The following HCFC1 variants were observed in gnomAD, a reference collection of about 807,000 sequenced individuals.
HCFC1 encodes host cell factor C1.
HCFC1 carries 7 observed loss-of-function variants against 105.5 expected under a neutral mutation model. The observed-to-expected ratio is 0.07, with a 90% CI of 0.04 to 0.12. HCFC1 has a LOEUF of 0.12. HCFC1 is among the 10% of genes least tolerant of loss of function. The pLI is 1.00. For synonymous variants in HCFC1, 918 were observed against 828.1 expected, an observed-to-expected ratio of 1.11 and a Z score of -1.86; for missense variants, 1,065 against 1,823.6, an observed-to-expected ratio of 0.58 and a Z score of 7.58.
At chrX:153,962,037 C>G (rs111998989) in intron 5 of HCFC1, among the ~76,000 whole-genome samples, 185 bp downstream of exon 5, 11 of 111,657 alleles carry the variant, frequency 9.9e-5, no homozygotes, top group Admixed American at 2.8e-4. Context: ...CCCTCTCCCC[C>G]CTGAATCTGT....
At position 153,953,763 on chromosome X, in the gene HCFC1, TG is replaced by T; in HGVS notation, c.4340del (p.Pro1447HisfsTer18). ...TSNMSSNQDP[P>X]PAASDQGEVE... ...CCTCTCCCTGATCGCTGGCAGCAGG[TG>T]GGGGGTCTGTGGGGGCGACAGGCAG... On this transcript the variant is annotated frameshift_variant, in exon 18 of 26. Transcript: ENST00000310441. LOFTEE classifies it high-confidence loss of function. 1 of 1,203,617 alleles carries T rather than the reference TG, an allele frequency of 8.3e-7. No individual in the cohort carries two copies.
At chrX:153,960,783 C>A (rs1473359602) in intron 6 of HCFC1, among the ~76,000 whole-genome samples, 1 of 112,479 alleles carries the variant, frequency 8.9e-6, no homozygotes, top group African/African-American at 3.2e-5. Context: ...TAAACTTCAA[C>A]CATCGGCGCC....
Position 153,950,897 on chromosome X carries a change from G to A in HCFC1, c.5619C>T (p.Gly1873=), listed in dbSNP as rs376949888. 2.0e-5 allele frequency: 24 copies of A among 1,209,312 alleles called. No individual in the cohort carries two copies. The African/African-American group carries it at 3.8e-4, about 19-fold the overall frequency. ...CTGAGATTTCGCTGAAGGGCCCCCGGCCACAGGCATTGATTCCGGCAACAC... is the reference window on the plus strand; with the variant it reads ...CTGAGATTTCGCTGAAGGGCCCCCGACCACAGGCATTGATTCCGGCAACAC... ...KFRVAGINAC[G]RGPFSEISAF... Residue 1873 remains glycine, a synonymous_variant, in exon 23 of 26, where the codon GGC becomes GGT. Coordinates refer to ENST00000310441, the MANE Select transcript of HCFC1 (RefSeq NM_005334.3).
In HCFC1 at chrX:153,957,872, G is replaced by A. The variant is rs2065393162; in HGVS notation, c.2043C>T (p.Gly681=). The A allele has an allele frequency of 8.3e-7, 1 of 1,205,459 alleles. No homozygotes were observed. The highest frequency in any genetic ancestry group is 1.8e-5 in the South Asian group (1 of 56,697). The change falls in exon 12 of 26, where the codon GGC becomes GGT. Residue 681 remains glycine (G), a synonymous_variant. Transcript: ENST00000310441. The stretch of plus-strand genomic sequence containing the variant: ...TGGTCTGGACCACCGACATCACTTT[G>A]CCCAGATTGGAAATCTAAAAAGGAA... ...PGGSALISNL[G]KVMSVVQTKP...
At position 153,958,066 on chromosome X, in the gene HCFC1, G is replaced by C; in HGVS notation, c.1987C>G (p.Leu663Val). 8.3e-7 allele frequency: 1 copy of C among 1,211,845 alleles called. No homozygotes were observed. Among genetic ancestry groups the C allele is most frequent in the Non-Finnish European group, 1.1e-6 (1 of 895,298 alleles). The change falls in exon 11 of 26, where the codon CTG (leucine) becomes GTG (valine). Residue 663 changes from leucine (L) to valine (V), a missense_variant. Coordinates refer to ENST00000310441, the MANE Select transcript of HCFC1 (RefSeq NM_005334.3). ...VVGGVTKTITLVKSPISVPGG... is the reference protein window; with the variant it reads ...VVGGVTKTITVVKSPISVPGG... Reference sequence around the variant, plus strand: ...GGGACAGAGATGGGGCTCTTCACCAGGGTGATGGTCTTGGTGACCCCGCCC... The same window carrying C: ...GGGACAGAGATGGGGCTCTTCACCACGGTGATGGTCTTGGTGACCCCGCCC...
rs373619230 is a variant in HCFC1, at chrX:153,964,328, C to T, written c.343-44G>A. ...GAGACTGAACCGTGGGATGAGAAGG[C>T]CACCACTAGGGACCCGGGGCAACTT... On this transcript the variant is annotated intron_variant, in intron 2 of 25. Coordinates refer to ENST00000310441, the MANE Select transcript of HCFC1 (RefSeq NM_005334.3). 1,009 of 1,114,304 alleles carry T rather than the reference C, an allele frequency of 9.1e-4. 1 individual carries two copies. Among genetic ancestry groups the T allele is most frequent in the Non-Finnish European group, 1.2e-3 (967 of 836,950 alleles). The allele number at this position is 1,114,304 out of a possible 1,213,427, so 91.8% of individuals were successfully genotyped here.
intron 1 of HCFC1, among the ~76,000 whole-genome samples, chrX:153,968,180 C>T (rs1557118868): frequency 1.8e-5 from 2 of 111,490 alleles, no homozygotes. Flanking sequence ...CACCTGGCAG[C>T]ACTCTGAATC....
chrX:153,964,098 T>A (rs868932296), intron 3 of HCFC1, 26 bp downstream of exon 3: 1 of 1,154,228 alleles, frequency 8.7e-7, no homozygotes. Context: ...ACCCGGGGGG[T>A]TCCAGAGAAA....
chrX:153,949,441 G>C, intron 25 of HCFC1, 55 bp from the exon 26 acceptor site: 1 of 1,139,291 alleles, frequency 8.8e-7, no homozygotes, highest in Non-Finnish European at 1.2e-6. Context: ...CACCACTGGA[G>C]GCCCTGCTGG....
intron 1 of HCFC1, 65 bp from the exon 2 acceptor site, chrX:153,964,791 T>C (rs2065459931): frequency 1.9e-6 from 2 of 1,072,237 alleles, no homozygotes; most frequent in Non-Finnish European, 1.2e-6. Context: ...ATTCCCCAAA[T>C]GTGCCAGCCG....
Position 153,971,050 on chromosome X carries a change from G to A in HCFC1, c.-210C>T, listed in dbSNP as rs2065528080. ...TCTCGCTCACCCCGTCTCCGCAAGA[G>A]CCGCCCGAAACTGTCGAGCGCCTAG... On this transcript the variant is annotated 5_prime_UTR_variant, in exon 1 of 26. Transcript: ENST00000310441. The A allele has an allele frequency of 7.8e-6, 3 of 383,597 alleles. No homozygotes were observed. Among genetic ancestry groups the A allele is most frequent in the Non-Finnish European group, 1.3e-5 (3 of 226,265 alleles). The allele number at this position is 383,597 out of a possible 1,213,427, so 31.6% of individuals were successfully genotyped here.
chrX:153,952,476 G>A (rs1557112868), intron 19 of HCFC1, 38 bp downstream of exon 19: 4 of 1,114,986 alleles, frequency 3.6e-6, no homozygotes, highest in Middle Eastern at 3.3e-4. Context: ...TTGCTCCCCC[G>A]AGCGGCCCGG....
intron 2 of HCFC1, 79 bp downstream of exon 2, chrX:153,964,499 G>A (rs1204266820): frequency 7.6e-6 from 8 of 1,056,460 alleles, no homozygotes; most frequent in Non-Finnish European, 8.9e-6. Flanking sequence ...TCCACCTCCC[G>A]CTTGCCTCAA....
chrX:153,961,390 CAG>C (rs2065428285), intron 6 of HCFC1, 150 bp downstream of exon 6: 2 of 434,617 alleles, frequency 4.6e-6, no homozygotes, highest in African/African-American at 2.5e-5. Context: ...AACATTGCTT[CAG>C]AGAGCTCTGC....
intron 3 of HCFC1, 41 bp from the exon 4 acceptor site, chrX:153,963,474 A>C: frequency 9.9e-7 from 1 of 1,009,200 alleles, no homozygotes; most frequent in Non-Finnish European, 1.4e-6. Flanking sequence ...TCGACTCCTC[A>C]CGCCAGAGGC....
chrX:153,951,716 AAAG>A lies in HCFC1; in HGVS notation c.5261-12_5261-10del. ...GTTGGATGGAGCCAGGCCTAGGAAGAAAGAAGGTGTCAGCGGGAAAGACTCGGG... is the reference window on the plus strand; with the variant it reads ...GTTGGATGGAGCCAGGCCTAGGAAGAAAGGTGTCAGCGGGAAAGACTCGGG... On this transcript the variant is annotated splice_polypyrimidine_tract_variant and intron_variant, in intron 20 of 25. Transcript: ENST00000310441. 9 of 1,200,323 alleles carry A rather than the reference AAAG, an allele frequency of 7.5e-6. No individual in the cohort carries two copies. Among genetic ancestry groups the A allele is most frequent in the Non-Finnish European group, 9.0e-6 (8 of 888,945 alleles).
In HCFC1 at chrX:153,970,934, T is replaced by G; in HGVS notation, c.-94A>C. 9.1e-6 allele frequency: 7 copies of G among 771,642 alleles called. No individual in the cohort carries two copies. Among genetic ancestry groups the G allele is most frequent in the Non-Finnish European group, 1.1e-5 (6 of 550,152 alleles). The allele number at this position is 771,642 out of a possible 1,213,427, so 63.6% of individuals were successfully genotyped here. A position where few individuals can be genotyped will look rare whatever the true frequency, so the allele number is the denominator to read the frequency against. ...CACCCCCTTTCGTCTAAGGCAGCTC[T>G]CACGGAGAAGCGGTTTCTCACACAG... is the stretch of plus-strand genomic sequence containing the variant. On this transcript the variant is annotated 5_prime_UTR_variant, in exon 1 of 26. Coordinates refer to ENST00000310441, the MANE Select transcript of HCFC1 (RefSeq NM_005334.3).
intron 14 of HCFC1, 21 bp from the exon 15 acceptor site, chrX:153,956,784 G>GCCA: frequency 1.7e-6 from 2 of 1,209,679 alleles, no homozygotes; most frequent in Non-Finnish European, 1.1e-6. Flanking sequence ...AGAGGAAAGT[G>GCCA]CCACCAACGT....
chrX:153,955,899 C>G (rs1246262194), intron 16 of HCFC1, among the ~76,000 whole-genome samples: 1 of 113,260 alleles, frequency 8.8e-6, no homozygotes, highest in African/African-American at 3.2e-5. Flanking sequence ...ATGAACAGAA[C>G]ACTGCACACA....
Sources: gnomAD v4.1 joint callset for allele counts (sites outside exome capture counted in the v4.1 genomes callset) on GRCh38, gnomAD v4.1.1 for gene constraint, MANE v1.5 for transcripts, NCBI Gene and HGNC (gene_info 2026-07-23, HGNC 2026-07-21) for gene names.